NPAS2: variants seen among roughly 807,000 people sequenced by gnomAD.
NPAS2 encodes the protein neuronal PAS domain-containing protein 2.
Under a neutral mutation model 107.5 loss-of-function variants are expected in NPAS2, and 23 were observed. The ratio of observed to expected loss-of-function variants is 0.21; its 90% CI spans 0.15 to 0.30. The LOEUF (loss-of-function observed/expected upper bound fraction) is 0.30, where lower values mean the gene tolerates loss of function less well. NPAS2 is among the 10% of genes least tolerant of loss of function. NPAS2 has a pLI of 1.00. For synonymous variants in NPAS2, 403 were observed against 417.5 expected (o/e 0.97, Z 0.42); for missense variants, 756 against 1,043.3 (o/e 0.72, Z 3.79).
intron 15 of NPAS2, among the ~76,000 whole-genome samples, chr2:100,979,553 G>A (rs1677304961): frequency 1.1e-5 from 1 of 94,644 alleles, no homozygotes; most frequent in Non-Finnish European, 2.0e-5. Context: ...CACTCTTTTT[G>A]CCCAGGCTGG....
chr2:100,938,500 C>T (rs113837129), intron 5 of NPAS2, among the ~76,000 whole-genome samples: 9,681 of 124,464 alleles, frequency 0.078, 374 homozygotes, highest in South Asian at 0.25. Flanking sequence ...GACAGATGTC[C>T]CTCCCCACTC....
intron 1 of NPAS2, among the ~76,000 whole-genome samples, chr2:100,837,233 A>C (rs1399442667): frequency 6.6e-6 from 1 of 152,190 alleles, no homozygotes; most frequent in Non-Finnish European, 1.5e-5. Context: ...ACAGTCTAAA[A>C]GTTAGATTGT....
intron 1 of NPAS2, among the ~76,000 whole-genome samples, chr2:100,857,534 CAGGCCAGAGCAGGCCACTG>C (rs1310336338): frequency 1.3e-5 from 2 of 152,118 alleles, no homozygotes; most frequent in Non-Finnish European, 2.9e-5. Context: ...TATTTAGGAA[CAGGCCAGAGCAGGCCACTG>C]CAGTGACTTG....
chr2:100,886,204 C>T (rs970867372), intron 1 of NPAS2, among the ~76,000 whole-genome samples: 2 of 152,170 alleles, frequency 1.3e-5, no homozygotes, highest in Non-Finnish European at 1.5e-5. Flanking sequence ...ATCCACACTC[C>T]TCCAATTAGT....
At chr2:100,939,931 T>A (rs867394795) in intron 5 of NPAS2, among the ~76,000 whole-genome samples, 5 of 152,216 alleles carry the variant, frequency 3.3e-5, no homozygotes, top group Admixed American at 6.5e-5. Context: ...CCCACTTGAA[T>A]GCAAACTAAG....
chr2:100,838,105 C>T (rs959000570), intron 1 of NPAS2, among the ~76,000 whole-genome samples: 5 of 151,676 alleles, frequency 3.3e-5, no homozygotes, highest in Admixed American at 6.6e-5. Flanking sequence ...GACACAAGAA[C>T]GTGATTGTAG....
chr2:100,880,195 GT>G (rs1420478312), intron 1 of NPAS2, among the ~76,000 whole-genome samples: 1 of 152,246 alleles, frequency 6.6e-6, no homozygotes, highest in Non-Finnish European at 1.5e-5. Flanking sequence ...TGCAGCCGCT[GT>G]GGAAAACAGT....
chr2:100,879,112 C>CAAA (rs371903852), intron 1 of NPAS2, among the ~76,000 whole-genome samples: 1 of 84,298 alleles, frequency 1.2e-5, no homozygotes, highest in African/African-American at 4.4e-5. Context: ...GACTCTGTCT[C>CAAA]AAAAAAAAAG....
At chr2:100,868,702 T>A (rs1475541007) in intron 1 of NPAS2, among the ~76,000 whole-genome samples, 1 of 152,226 alleles carries the variant, frequency 6.6e-6, no homozygotes, top group Non-Finnish European at 1.5e-5. Context: ...GATAATTCCT[T>A]CAGATCTGTG....
At chr2:100,900,306 A>G (rs114539037) in intron 1 of NPAS2, among the ~76,000 whole-genome samples, 1 of 152,220 alleles carries the variant, frequency 6.6e-6, no homozygotes, top group African/African-American at 2.4e-5. Context: ...ATCTTACAAA[A>G]GAAGATATCT....
intron 1 of NPAS2, among the ~76,000 whole-genome samples, chr2:100,886,497 T>A (rs1037631734): frequency 6.6e-6 from 1 of 152,242 alleles, no homozygotes; most frequent in Admixed American, 6.5e-5. Context: ...TTTTGCATTG[T>A]GATAGTAGCC....
intron 1 of NPAS2, among the ~76,000 whole-genome samples, chr2:100,889,275 G>A (rs1349273895): frequency 2.0e-5 from 3 of 152,324 alleles, no homozygotes; most frequent in African/African-American, 4.8e-5. Context: ...CTTGGTGTTC[G>A]AAGAGGGAAA....
chr2:100,832,368 C>T (rs544765296), intron 1 of NPAS2, among the ~76,000 whole-genome samples: 12 of 152,292 alleles, frequency 7.9e-5, no homozygotes, highest in East Asian at 1.9e-4. Flanking sequence ...GCTTACCTGA[C>T]GGTTGCCATG....
rs1482991287 is a variant in NPAS2 at position 100,990,242 on chromosome 2, A to G, written c.1828-14A>G. ...AGTCCAAGTCTTACCTTTCTCATTGAAATGATGCTCCAGGGTCCAAAGCCA... is the reference window on the plus strand; with the variant it reads ...AGTCCAAGTCTTACCTTTCTCATTGGAATGATGCTCCAGGGTCCAAAGCCA... On this transcript the variant is annotated splice_polypyrimidine_tract_variant and intron_variant, in intron 17 of 20. Coordinates refer to ENST00000335681, the MANE Select transcript of NPAS2 (RefSeq NM_002518.4). 1.9e-6 allele frequency: 3 copies of G among 1,612,554 alleles called. No individual in the cohort carries two copies. The highest frequency in any genetic ancestry group is 1.3e-5 in the African/African-American group (1 of 74,896).
At chr2:100,887,374 G>A (rs1680761667) in intron 1 of NPAS2, among the ~76,000 whole-genome samples, 1 of 152,218 alleles carries the variant, frequency 6.6e-6, no homozygotes, top group Non-Finnish European at 1.5e-5. Flanking sequence ...ATGGGGCCTT[G>A]TGCCCACCAA....
At chr2:100,944,059 A>G (rs559723019) in intron 5 of NPAS2, among the ~76,000 whole-genome samples, 1 of 152,172 alleles carries the variant, frequency 6.6e-6, no homozygotes, top group Non-Finnish European at 1.5e-5. Context: ...CATTCTCTAC[A>G]CTACCTTCTG....
At chr2:100,829,623 C>T (rs528337984) in intron 1 of NPAS2, among the ~76,000 whole-genome samples, 49 of 152,234 alleles carry the variant, frequency 3.2e-4, no homozygotes, top group African/African-American at 1.1e-3. Flanking sequence ...CTGACTTCTT[C>T]GTTTCCTATT....
chr2:100,951,878 G>T (rs1050786831), intron 7 of NPAS2, among the ~76,000 whole-genome samples: 2 of 151,584 alleles, frequency 1.3e-5, no homozygotes, highest in Non-Finnish European at 2.9e-5. Context: ...GGCCAGGCGC[G>T]GTGGCTCACA....
rs139331635 is a variant in NPAS2 at position 100,978,817 on chromosome 2, A to G, written c.1482+1018A>G. Among the ~76,000 whole-genome samples the G allele has an allele frequency of 2.4e-4, 37 of 152,294 alleles. No individual in the cohort carries two copies. The East Asian group carries it at 7.1e-3, about 29-fold the overall frequency. On this transcript the variant is annotated intron_variant, in intron 15 of 20. Coordinates refer to ENST00000335681, the MANE Select transcript of NPAS2 (RefSeq NM_002518.4). Reference sequence around the variant, plus strand: ...GGCTTCCTGGAGGAGGTGACGCTTGAGTTGGCCCCGGAAAGGTGGGTAGGA... The same window carrying G: ...GGCTTCCTGGAGGAGGTGACGCTTGGGTTGGCCCCGGAAAGGTGGGTAGGA...
Sources: allele counts gnomAD v4.1 joint callset (sites outside exome capture counted in the v4.1 genomes callset), GRCh38; gene constraint gnomAD v4.1.1; transcripts MANE v1.5; gene names NCBI Gene and HGNC (gene_info 2026-07-23, HGNC 2026-07-21).